The following PRSS23 variants were observed in gnomAD, a reference collection of about 807,000 sequenced individuals.
The protein encoded by PRSS23 is protease, serine 23.
PRSS23 carries 25 observed loss-of-function variants against 34.7 expected under a neutral mutation model. The ratio of observed to expected loss-of-function variants is 0.72; its 90% confidence interval spans 0.53 to 1.01. The LOEUF (loss-of-function observed/expected upper bound fraction) is 1.01. Among genes scored for constraint, PRSS23 ranks in the 50% least tolerant of loss-of-function variants. The pLI is 0.00. For synonymous variants in PRSS23, 176 were observed against 186.6 expected (o/e 0.94, Z 0.46); for missense variants, 445 against 475.6 (o/e 0.94, Z 0.60).
intron 2 of PRSS23, chr11:86,823,628 C>T (rs941143185): frequency 1.1e-5 from 8 of 699,048 alleles, no homozygotes; most frequent in Admixed American, 6.0e-5. Flanking sequence ...AAGCAGTGTG[C>T]TTAATGGTGC....
intron 2 of PRSS23, among the ~76,000 whole-genome samples, chr11:86,836,590 T>C (rs1233814576): frequency 6.6e-6 from 1 of 152,092 alleles, no homozygotes; most frequent in Non-Finnish European, 1.5e-5. Context: ...ACAGTAAAGC[T>C]CCCTAGTCAC....
chr11:86,846,531 C>G (rs926039064), intron 2 of PRSS23, among the ~76,000 whole-genome samples: 1 of 152,176 alleles, frequency 6.6e-6, no homozygotes, highest in Non-Finnish European at 1.5e-5. Context: ...TGAAGTACAC[C>G]TGGGAGTGCT....
At chr11:86,915,086 C>T (rs1949003347) in intron 2 of PRSS23, among the ~76,000 whole-genome samples, 1 of 151,836 alleles carries the variant, frequency 6.6e-6, no homozygotes, top group Non-Finnish European at 1.5e-5. Context: ...TCAATCGCAT[C>T]AGTCCAGCTG....
At chr11:86,833,810 T>G (rs917215475) in intron 2 of PRSS23, among the ~76,000 whole-genome samples, 1 of 152,036 alleles carries the variant, frequency 6.6e-6, no homozygotes, top group African/African-American at 2.4e-5. Context: ...TGTCTCTCAG[T>G]CCCCCCTCTC....
At chr11:86,942,190 G>A (rs984060459) in intron 2 of PRSS23, among the ~76,000 whole-genome samples, 16 of 152,310 alleles carry the variant, frequency 1.1e-4, no homozygotes, top group African/African-American at 3.8e-4. Context: ...AGGGAAGCAG[G>A]AAGTGGCAAG....
At chr11:86,868,259 C>G (rs959077219) in intron 2 of PRSS23, among the ~76,000 whole-genome samples, 4 of 152,110 alleles carry the variant, frequency 2.6e-5, no homozygotes, top group African/African-American at 9.7e-5. Flanking sequence ...ATTCTCTAGT[C>G]AACATGAGAC....
intron 2 of PRSS23, among the ~76,000 whole-genome samples, chr11:86,879,619 A>G (rs1948755985): frequency 9.0e-6 from 1 of 111,000 alleles, no homozygotes; most frequent in Non-Finnish European, 1.9e-5. Flanking sequence ...GGCCGCCCCT[A>G]CTGGGAAGTG....
intron 1 of PRSS23, among the ~76,000 whole-genome samples, chr11:86,822,546 G>T (rs1006663629): frequency 2.0e-5 from 3 of 151,680 alleles, no homozygotes; most frequent in Non-Finnish European, 4.4e-5. Flanking sequence ...GCTTGAGCCT[G>T]GGAGGTCGAG....
At chr11:86,886,444 G>A (rs1448343468) in intron 2 of PRSS23, among the ~76,000 whole-genome samples, 1 of 152,182 alleles carries the variant, frequency 6.6e-6, no homozygotes, top group Non-Finnish European at 1.5e-5. Flanking sequence ...GAAGTTGCGT[G>A]AAGCCTCTGT....
At chr11:86,913,286 A>AC (rs1472813798) in intron 2 of PRSS23, among the ~76,000 whole-genome samples, 2 of 112,980 alleles carry the variant, frequency 1.8e-5, no homozygotes, top group Non-Finnish European at 4.1e-5. Context: ...AAAAAAAAAA[A>AC]AAAAACCTAT....
intron 2 of PRSS23, among the ~76,000 whole-genome samples, chr11:86,926,218 C>A (rs973419826): frequency 1.3e-5 from 2 of 152,100 alleles, no homozygotes; most frequent in African/African-American, 4.8e-5. Context: ...CAAAAATTAG[C>A]CGGGCGTGGT....
At chr11:86,896,962 T>C (rs914415201) in intron 2 of PRSS23, among the ~76,000 whole-genome samples, 4 of 152,246 alleles carry the variant, frequency 2.6e-5, no homozygotes, top group African/African-American at 9.6e-5. Context: ...TCATTTACCC[T>C]ATACAAGCCC....
intron 2 of PRSS23, among the ~76,000 whole-genome samples, chr11:86,841,092 C>T (rs533948004): frequency 6.6e-6 from 1 of 152,088 alleles, no homozygotes; most frequent in Non-Finnish European, 1.5e-5. Context: ...GTAATCCCAG[C>T]ATTTTGGGAG....
At chr11:86,847,090 A>C (rs1345928558) in intron 2 of PRSS23, among the ~76,000 whole-genome samples, 1 of 152,168 alleles carries the variant, frequency 6.6e-6, no homozygotes, top group Non-Finnish European at 1.5e-5. Context: ...GGGACACAGG[A>C]TACTGGTACC....
chr11:86,933,470 A>G (rs183194407), intron 2 of PRSS23: 52 of 152,350 alleles, frequency 3.4e-4, no homozygotes, highest in African/African-American at 1.2e-3. Context: ...GGGCGTGGGA[A>G]TAGGGTAAGA....
chr11:86,890,632 A>G (rs1948835159), intron 2 of PRSS23, among the ~76,000 whole-genome samples: 1 of 152,196 alleles, frequency 6.6e-6, no homozygotes, highest in Non-Finnish European at 1.5e-5. Flanking sequence ...CATGGAAGTG[A>G]AACACGGGCT....
At chr11:86,876,743 AC>A (rs1161341236) in intron 2 of PRSS23, among the ~76,000 whole-genome samples, 2 of 144,698 alleles carry the variant, frequency 1.4e-5, no homozygotes, top group Admixed American at 6.9e-5. Flanking sequence ...AAAAAAAAAA[AC>A]GAAGCAATTT....
intron 2 of PRSS23, among the ~76,000 whole-genome samples, chr11:86,872,004 G>T (rs1948687439): frequency 6.6e-6 from 1 of 152,196 alleles, no homozygotes; most frequent in Non-Finnish European, 1.5e-5. Flanking sequence ...AATAGTAAAA[G>T]CATGGGCTCT....
intron 2 of PRSS23, among the ~76,000 whole-genome samples, chr11:86,915,773 G>A (rs951681135): frequency 1.3e-5 from 2 of 152,030 alleles, no homozygotes; most frequent in Non-Finnish European, 2.9e-5. Context: ...AATGGGTCAG[G>A]TGTGGTGGCT....
Sources: gnomAD v4.1 joint callset for allele counts (sites outside exome capture counted in the v4.1 genomes callset) on GRCh38, gnomAD v4.1.1 for gene constraint, MANE v1.5 for transcripts, NCBI Gene and HGNC (gene_info 2026-07-23, HGNC 2026-07-21) for gene names.